The following TSPAN5 variants were observed in gnomAD, a reference collection of about 807,000 sequenced individuals.
TSPAN5 encodes the protein tetraspanin-5.
In TSPAN5, 10 loss-of-function variants were observed where a neutral mutation model predicts 37.1. The observed-to-expected ratio is 0.27, with a 90% CI of 0.17 to 0.46. The LOEUF (loss-of-function observed/expected upper bound fraction) is 0.46. Ranked by LOEUF, TSPAN5 falls within the 20% of genes least tolerant of loss-of-function variation. The pLI is 1.00. For synonymous variants in TSPAN5, 110 were observed against 118.9 expected (o/e 0.93, Z 0.48); for missense variants, 195 against 326.6 (o/e 0.60, Z 3.11).
At chr4:98,618,350 G>A (rs1049419996) in intron 1 of TSPAN5, among the ~76,000 whole-genome samples, 1 of 152,006 alleles carries the variant, frequency 6.6e-6, no homozygotes, top group African/African-American at 2.4e-5. Context: ...AAGGCACTGT[G>A]AACTTACTTT....
intron 1 of TSPAN5, among the ~76,000 whole-genome samples, chr4:98,647,933 T>A (rs1031316876): frequency 1.3e-5 from 2 of 151,906 alleles, no homozygotes; most frequent in Non-Finnish European, 2.9e-5. Context: ...AGAGTTTTAT[T>A]CAAAATGTTA....
chr4:98,606,328 T>G (rs924568166), intron 1 of TSPAN5, among the ~76,000 whole-genome samples: 4 of 152,200 alleles, frequency 2.6e-5, no homozygotes, highest in African/African-American at 9.7e-5. Flanking sequence ...TCTGTACTTT[T>G]CAAAAGAAAA....
chr4:98,520,455 C>T lies in TSPAN5; in HGVS notation c.82-12727G>A, dbSNP rs115786713. On this transcript the variant is annotated intron_variant, in intron 1 of 7. Transcript: ENST00000305798. ...CTGCCAAAAAGGAACTCAGGACTGG[C>T]CTGGGGGCACCTCTGTAATATCTGG... 3.0e-3 allele frequency among the ~76,000 whole-genome samples: 453 copies of T among 152,286 alleles called. 5 individuals are homozygous for T. Among genetic ancestry groups the T allele is most frequent in the African/African-American group, 9.2e-3 (381 of 41,568 alleles).
intron 1 of TSPAN5, among the ~76,000 whole-genome samples, chr4:98,521,706 T>C (rs1233149878): frequency 6.6e-6 from 1 of 152,258 alleles, no homozygotes; most frequent in African/African-American, 2.4e-5. Context: ...CAGCTTGCCC[T>C]GTGGGATGTC....
At chr4:98,526,810 A>G (rs1026968020) in intron 1 of TSPAN5, among the ~76,000 whole-genome samples, 4 of 152,030 alleles carry the variant, frequency 2.6e-5, no homozygotes, top group African/African-American at 9.7e-5. Flanking sequence ...TTTAATGGCC[A>G]TTTTCTTCCT....
chr4:98,656,652 T>C (rs999193282), intron 1 of TSPAN5, among the ~76,000 whole-genome samples: 1 of 152,198 alleles, frequency 6.6e-6, no homozygotes, highest in Non-Finnish European at 1.5e-5. Context: ...AAACTGCCTG[T>C]GGAATGATCG....
chr4:98,582,362 G>A (rs1191792133), intron 1 of TSPAN5, among the ~76,000 whole-genome samples: 1 of 152,216 alleles, frequency 6.6e-6, no homozygotes, highest in Non-Finnish European at 1.5e-5. Flanking sequence ...TGACCAGGAT[G>A]CTGAGCCTTA....
At chr4:98,489,866 G>A (rs1463894195) in intron 2 of TSPAN5, among the ~76,000 whole-genome samples, 1 of 152,126 alleles carries the variant, frequency 6.6e-6, no homozygotes, top group Non-Finnish European at 1.5e-5. Context: ...CGCCACCTTG[G>A]AAGCGGCCCG....
At chr4:98,610,208 C>T (rs1312193418) in intron 1 of TSPAN5, among the ~76,000 whole-genome samples, 1 of 152,160 alleles carries the variant, frequency 6.6e-6, no homozygotes. Context: ...TTGCATCATC[C>T]CATAGTGGAA....
chr4:98,605,068 G>T (rs1421154905), intron 1 of TSPAN5, among the ~76,000 whole-genome samples: 2 of 152,148 alleles, frequency 1.3e-5, no homozygotes, highest in African/African-American at 4.8e-5. Flanking sequence ...TTCCATGAAA[G>T]AAGTCAGTTT....
intron 1 of TSPAN5, among the ~76,000 whole-genome samples, chr4:98,589,567 G>T (rs1755576740): frequency 6.6e-6 from 1 of 152,182 alleles, no homozygotes; most frequent in African/African-American, 2.4e-5. Context: ...CTCCTTAGCA[G>T]GATTCTTTAC....
intron 1 of TSPAN5, among the ~76,000 whole-genome samples, chr4:98,629,318 T>G (rs1329308000): frequency 6.6e-6 from 1 of 152,208 alleles, no homozygotes; most frequent in African/African-American, 2.4e-5. Context: ...TGTGCCTCGA[T>G]GTCCTCATCA....
At chr4:98,493,451 G>T (rs1343058593) in intron 2 of TSPAN5, among the ~76,000 whole-genome samples, 1 of 152,158 alleles carries the variant, frequency 6.6e-6, no homozygotes, top group Non-Finnish European at 1.5e-5. Flanking sequence ...AGAGTAACGG[G>T]CCACACACAG....
At chr4:98,514,983 G>T (rs777548998) in intron 1 of TSPAN5, among the ~76,000 whole-genome samples, 2 of 152,180 alleles carry the variant, frequency 1.3e-5, no homozygotes, top group Non-Finnish European at 2.9e-5. Context: ...GACAGAGGAG[G>T]CACTGCAATA....
At chr4:98,518,317 G>A (rs1753779391) in intron 1 of TSPAN5, among the ~76,000 whole-genome samples, 1 of 152,140 alleles carries the variant, frequency 6.6e-6, no homozygotes, top group African/African-American at 2.4e-5. Context: ...AATATCTTCA[G>A]TATATACCAG....
intron 1 of TSPAN5, among the ~76,000 whole-genome samples, chr4:98,626,886 GTTTT>G (rs34770397): frequency 3.6e-5 from 3 of 83,484 alleles, no homozygotes; most frequent in African/African-American, 9.9e-5. Context: ...ATGAGAGCAG[GTTTT>G]TTTTTTTTTT....
At chr4:98,657,500 C>T (rs1473762696) in intron 1 of TSPAN5, 1 of 153,044 alleles carries the variant, frequency 6.5e-6, no homozygotes. Flanking sequence ...ACAAATAAAT[C>T]CCTCTACCCC....
At chr4:98,512,425 T>C (rs1470363443) in intron 1 of TSPAN5, among the ~76,000 whole-genome samples, 5 of 152,148 alleles carry the variant, frequency 3.3e-5, no homozygotes, top group Non-Finnish European at 5.9e-5. Flanking sequence ...CTCTTTTAAT[T>C]TCTAGGCATC....
At chr4:98,517,417 G>A (rs1025674993) in intron 1 of TSPAN5, among the ~76,000 whole-genome samples, 3 of 152,092 alleles carry the variant, frequency 2.0e-5, no homozygotes, top group Non-Finnish European at 4.4e-5. Flanking sequence ...AAAGGGGTGA[G>A]GCAGGGGAGG....
Sources: gnomAD v4.1 joint callset for allele counts (sites outside exome capture counted in the v4.1 genomes callset) on GRCh38, gnomAD v4.1.1 for gene constraint, MANE v1.5 for transcripts, NCBI Gene and HGNC (gene_info 2026-07-23, HGNC 2026-07-21) for gene names.